The following TG variants were observed in gnomAD, a reference collection of about 807,000 sequenced individuals.
TG encodes the protein thyroid hormones.
Under a neutral mutation model 324.7 loss-of-function variants are expected in TG, and 270 were observed. That is an observed-to-expected ratio of 0.83 (90% CI 0.75 to 0.92). The LOEUF is 0.92. Among genes scored for constraint, TG ranks in the 40% least tolerant of loss-of-function variants. TG has a pLI of 0.00. For missense variants in TG, 3,591 were observed against 3,456.4 expected, an observed-to-expected ratio of 1.04 and a Z score of -0.98; for synonymous variants, 1,401 against 1,327.0, an observed-to-expected ratio of 1.06 and a Z score of -1.21.
chr8:132,994,708 C>T (rs1468104925), intron 35 of TG: 1 of 1,288,488 alleles, frequency 7.8e-7, no homozygotes, highest in Non-Finnish European at 1.0e-6. Context: ...TCTACCTCTT[C>T]TCCCCAGTGT....
At chr8:132,882,692 T>C (rs940006130) in intron 7 of TG, 80 bp downstream of exon 7, 3 of 1,612,496 alleles carry the variant, frequency 1.9e-6, no homozygotes, top group Non-Finnish European at 2.5e-6. Context: ...ATGGTGTGTG[T>C]GGCTGCTCCA....
chr8:132,901,610 G>T, intron 16 of TG, 57 bp downstream of exon 16: 8 of 1,565,440 alleles, frequency 5.1e-6, no homozygotes, highest in Non-Finnish European at 6.9e-6. Flanking sequence ...CTTTGATCCA[G>T]ACTGGGTGAA....
Position 132,923,340 on chromosome 8 carries a change from G to A in TG, c.4531G>A (p.Val1511Ile). 6.2e-7 allele frequency: 1 copy of A among 1,614,080 alleles called. No homozygotes were observed. Among genetic ancestry groups the A allele is most frequent in the Admixed American group, 1.7e-5 (1 of 60,018 alleles). Residue 1511 changes from valine to isoleucine, a missense_variant and splice_region_variant, in exon 22 of 48, where the codon GTC (valine) becomes ATC (isoleucine). Coordinates refer to ENST00000220616, the MANE Select transcript of TG (RefSeq NM_003235.5). The stretch of plus-strand genomic sequence containing the variant: ...CTATGTCAATCTATTGGTTCTAGGT[G>A]TCACTGACTGTCAGAGGAACGAAGC... The part of the protein sequence containing the change: ...SAGAFSQTHC[V>I]TDCQRNEAGL...
intron 41 of TG, chr8:133,047,848 C>T (rs1360288590): frequency 6.2e-7 from 1 of 1,602,692 alleles, no homozygotes; most frequent in Admixed American, 1.7e-5. Flanking sequence ...GTCTCACTCT[C>T]TCTGATCATG....
At chr8:133,127,634 C>CTACTGGAA (rs1851620441) in intron 45 of TG, among the ~76,000 whole-genome samples, 1 of 152,164 alleles carries the variant, frequency 6.6e-6, no homozygotes, top group East Asian at 1.9e-4. Flanking sequence ...GCCGTCACAC[C>CTACTGGAA]TTTCGAAGAA....
At chr8:133,021,313 G>T (rs998965171) in intron 39 of TG, among the ~76,000 whole-genome samples, 3 of 152,206 alleles carry the variant, frequency 2.0e-5, no homozygotes, top group Non-Finnish European at 4.4e-5. Context: ...CAAGGGAAAG[G>T]GGACGCCAAG....
chr8:133,014,477 G>T (rs1221707191), intron 37 of TG, among the ~76,000 whole-genome samples: 1 of 152,164 alleles, frequency 6.6e-6, no homozygotes, highest in Non-Finnish European at 1.5e-5. Context: ...CATATTTATT[G>T]GATGAAATTG....
intron 22 of TG, 91 bp downstream of exon 22, chr8:132,923,599 A>G: frequency 1.4e-6 from 2 of 1,430,634 alleles, no homozygotes; most frequent in South Asian, 1.4e-5. Flanking sequence ...CTGGAGGTGC[A>G]TTTGTCTCCA....
chr8:133,034,344 A>G lies in TG; in HGVS notation c.7239+4321A>G, dbSNP rs563158776. Among the ~76,000 whole-genome samples, 5 of 152,268 alleles carry G rather than the reference A, an allele frequency of 3.3e-5. No individual in the cohort carries two copies. In the South Asian group the frequency reaches 1.0e-3, roughly 32 times the overall value. ...ACATGTTTTAATAAAAGTTTTGTGC[A>G]ATCATTGTGAGGTAAGTTCCTACAC... On this transcript the variant is annotated intron_variant, in intron 41 of 47. Transcript: ENST00000220616.
intron 27 of TG, among the ~76,000 whole-genome samples, chr8:132,951,523 T>G (rs978133431): frequency 1.3e-5 from 2 of 152,236 alleles, no homozygotes. Context: ...GTGCTTGATA[T>G]GTGCCCAAGA....
intron 4 of TG, 67 bp downstream of exon 4, chr8:132,871,618 C>T: frequency 6.6e-7 from 1 of 1,524,308 alleles, no homozygotes; most frequent in East Asian, 2.3e-5. Flanking sequence ...CACTGCGATC[C>T]AACACATTTA....
At chr8:132,871,962 A>AT (rs1839518040) in intron 4 of TG, among the ~76,000 whole-genome samples, 1 of 152,206 alleles carries the variant, frequency 6.6e-6, no homozygotes, top group African/African-American at 2.4e-5. Flanking sequence ...TGATGTAATG[A>AT]TGATCTTGAC....
At chr8:132,869,605 C>A in intron 2 of TG, 124 bp from the exon 3 acceptor site, 1 of 845,020 alleles carries the variant, frequency 1.2e-6, no homozygotes, top group Non-Finnish European at 2.0e-6. Context: ...TCCACTCTCT[C>A]CCTAATTTAA....
rs1219639810 is a variant in TG, at chr8:133,055,363, G to GCACACACACA, written c.7239+25341_7239+25342insACACACACAC. Among the ~76,000 whole-genome samples the GCACACACACA allele has an allele frequency of 2.2e-4, 7 of 32,020 alleles. No homozygotes were observed. The South Asian group carries it at 2.5e-3, about 12-fold the overall frequency. 21.0% of individuals were successfully genotyped at this position (32,020 alleles called of 152,430 possible). A position where few individuals can be genotyped will look rare whatever the true frequency, so the allele number is the denominator to read the frequency against. On this transcript the variant is annotated intron_variant, in intron 41 of 47. Coordinates refer to ENST00000220616, the MANE Select transcript of TG (RefSeq NM_003235.5). The stretch of plus-strand genomic sequence containing the variant: ...ATCTTCAGGACACACACACGCACGC[G>GCACACACACA]CGCACACACACACACACACACACAC...
intron 41 of TG, among the ~76,000 whole-genome samples, chr8:133,092,192 C>G (rs1000444694): frequency 6.6e-6 from 1 of 152,156 alleles, no homozygotes; most frequent in African/African-American, 2.4e-5. Flanking sequence ...GTGAGTGTGT[C>G]TCCATCTGTG....
intron 41 of TG, among the ~76,000 whole-genome samples, chr8:133,071,884 T>C (rs1273070064): frequency 6.6e-6 from 1 of 152,150 alleles, no homozygotes; most frequent in Non-Finnish European, 1.5e-5. Context: ...TCTATTATAT[T>C]CCTCAATGAA....
chr8:133,102,212 C>T (rs923417695), intron 43 of TG, among the ~76,000 whole-genome samples: 1 of 152,224 alleles, frequency 6.6e-6, no homozygotes, highest in Non-Finnish European at 1.5e-5. Flanking sequence ...TGAACCACCT[C>T]AGCTGACCTG....
At chr8:133,127,087 A>G (rs1042752768) in intron 45 of TG, among the ~76,000 whole-genome samples, 3 of 152,124 alleles carry the variant, frequency 2.0e-5, no homozygotes, top group African/African-American at 7.2e-5. Flanking sequence ...CACCATTATC[A>G]GCAGAATGGC....
At chr8:133,022,705 T>G (rs1464630519) in intron 40 of TG, among the ~76,000 whole-genome samples, 1 of 152,192 alleles carries the variant, frequency 6.6e-6, no homozygotes, top group Non-Finnish European at 1.5e-5. Context: ...TCTTCCCCAC[T>G]GACTCCTAGG....
Sources: allele counts gnomAD v4.1 joint callset (sites outside exome capture counted in the v4.1 genomes callset), GRCh38; gene constraint gnomAD v4.1.1; transcripts MANE v1.5; gene names NCBI Gene and HGNC (gene_info 2026-07-23, HGNC 2026-07-21).